LMNB2: variants seen among roughly 807,000 people sequenced by gnomAD.
LMNB2 encodes lamin-B2.
Under a neutral mutation model 69.3 loss-of-function variants are expected in LMNB2, and 17 were observed. The observed-to-expected ratio is 0.25, with a 90% CI of 0.17 to 0.37. The LOEUF is 0.37. LMNB2 is among the 10% of genes least tolerant of loss of function. LMNB2 has a pLI of 1.00. For missense variants in LMNB2, 789 were observed against 883.6 expected (o/e 0.89, Z 1.36); for synonymous variants, 397 against 389.3 (o/e 1.02, Z -0.23).
At chr19:2,451,441 T>C (rs1162313802) in intron 1 of LMNB2, among the ~76,000 whole-genome samples, 4 of 152,164 alleles carry the variant, frequency 2.6e-5, no homozygotes, top group African/African-American at 9.7e-5. Context: ...CTGGCCTTTT[T>C]TAGAAAAAGT....
In LMNB2 at chr19:2,431,644, C is replaced by A. The variant is rs1568200660; in HGVS notation, c.1725G>T (p.Arg575Ser). ...GCATCACCGAGGACTTCTTCACAGT[C>A]CTCATGGCCACTTCCTGTGCGGGAC... The part of the protein sequence containing the change: ...VNADGEEVAM[R>S]TVKKSSVMRE... Residue 575 changes from arginine (R) to serine (S), a missense_variant, in exon 11 of 12, where the codon AGG (arginine) becomes AGT (serine). Transcript: ENST00000325327. 5.6e-6 allele frequency: 9 copies of A among 1,614,160 alleles called. No individual in the cohort carries two copies. Among genetic ancestry groups the A allele is most frequent in the Non-Finnish European group, 7.6e-6 (9 of 1,180,014 alleles).
At position 2,443,683 on chromosome 19, in the gene LMNB2, C is replaced by T. The variant is rs1052075352; in HGVS notation, c.401+721G>A. On this transcript the variant is annotated intron_variant, in intron 2 of 11. Transcript: ENST00000325327. This position sits in a 1 kb window ranked among gnomAD's most constrained non-coding sequence, Gnocchi z 6.2. Reference sequence around the variant, plus strand: ...TCCACACGCAGGGCACCAGAGACCTCGCTCTAGCTGGAGCCTCACATCAAG... The same window carrying T: ...TCCACACGCAGGGCACCAGAGACCTTGCTCTAGCTGGAGCCTCACATCAAG... Among the ~76,000 whole-genome samples the T allele has an allele frequency of 4.6e-5, 7 of 152,200 alleles. No individual in the cohort carries two copies. Among genetic ancestry groups the T allele is most frequent in the African/African-American group, 1.7e-4 (7 of 41,438 alleles).
Position 2,431,662 on chromosome 19 carries a change from T to C in LMNB2, c.1711-4A>G, listed in dbSNP as rs762650809. 6 of 1,614,084 alleles carry C rather than the reference T, an allele frequency of 3.7e-6. No individual in the cohort carries two copies. The highest frequency in any genetic ancestry group is 4.2e-6 in the Non-Finnish European group (5 of 1,179,996). On this transcript the variant is annotated splice_polypyrimidine_tract_variant and splice_region_variant and intron_variant, in intron 10 of 11. Transcript: ENST00000325327. Reference sequence around the variant, plus strand: ...TCACAGTCCTCATGGCCACTTCCTGTGCGGGACAGGACACGGCGGCATGTC... The same window carrying C: ...TCACAGTCCTCATGGCCACTTCCTGCGCGGGACAGGACACGGCGGCATGTC...
At chr19:2,439,180 G>C (rs951749588) in intron 2 of LMNB2, among the ~76,000 whole-genome samples, 1 of 151,300 alleles carries the variant, frequency 6.6e-6, no homozygotes, top group Non-Finnish European at 1.5e-5. Flanking sequence ...CACCGCGTAC[G>C]GCTGACTCTT....
intron 11 of LMNB2, 48 bp from the exon 12 acceptor site, chr19:2,431,000 G>A: frequency 7.4e-7 from 1 of 1,348,618 alleles, no homozygotes; most frequent in Non-Finnish European, 1.1e-6. Context: ...GGCCAGCCTG[G>A]AGGCAGCCGG....
In LMNB2 at chr19:2,447,768, TG is replaced by T. The variant is rs1971973321; in HGVS notation, c.265-3229del. 5.3e-5 allele frequency among the ~76,000 whole-genome samples: 8 copies of T among 152,116 alleles called. No homozygotes were observed. Among genetic ancestry groups the T allele is most frequent in the Admixed American group, 5.2e-4 (8 of 15,268 alleles). ...CAGGCGAGGCTCCTGTGCAGAGGGCTGGGGGCCTGCCAGGACGCACCCCTTG... is the reference window on the plus strand; with the variant it reads ...CAGGCGAGGCTCCTGTGCAGAGGGCTGGGGCCTGCCAGGACGCACCCCTTG... On this transcript the variant is annotated intron_variant, in intron 1 of 11. Coordinates refer to ENST00000325327, the MANE Select transcript of LMNB2 (RefSeq NM_032737.4). The surrounding 1 kb of genome is among the most constrained non-coding windows in gnomAD (Gnocchi z 4.4).
intron 11 of LMNB2, 67 bp from the exon 12 acceptor site, chr19:2,431,019 T>C: frequency 1.0e-6 from 1 of 1,002,328 alleles, no homozygotes. Context: ...GGCAGGTAGA[T>C]GGCTGCCCCC....
At chr19:2,454,845 T>C (rs781080922) in intron 1 of LMNB2, among the ~76,000 whole-genome samples, 3 of 151,984 alleles carry the variant, frequency 2.0e-5, no homozygotes, top group Non-Finnish European at 4.4e-5. Flanking sequence ...CAGGGTTAGG[T>C]TGGGGGGCAG....
intron 1 of LMNB2, among the ~76,000 whole-genome samples, chr19:2,455,504 G>T (rs528746440): frequency 8.5e-5 from 13 of 152,190 alleles, no homozygotes; most frequent in African/African-American, 2.4e-4. Context: ...AAATCCCCAG[G>T]ACCTCTCTTT....
At chr19:2,449,904 T>C (rs1195560974) in intron 1 of LMNB2, among the ~76,000 whole-genome samples, 2 of 151,670 alleles carry the variant, frequency 1.3e-5, no homozygotes, top group Non-Finnish European at 1.5e-5. Flanking sequence ...GGAGAAACCC[T>C]GTCTCTACTA....
chr19:2,434,787 C>T lies in LMNB2; in HGVS notation c.981+1G>A. ...GCAGACGGTGGCGCTGTGCTCATCA[C>T]CTGCTTCTGGAGGCCGGAGAGCTGG... On this transcript the variant is annotated splice_donor_variant, in intron 6 of 11. Transcript: ENST00000325327. LOFTEE classifies it high-confidence loss of function. The T allele has an allele frequency of 6.2e-7, 1 of 1,605,428 alleles. No individual in the cohort carries two copies. Among genetic ancestry groups the T allele is most frequent in the Non-Finnish European group, 8.5e-7 (1 of 1,177,284 alleles).
At position 2,453,661 on chromosome 19, in the gene LMNB2, C is replaced by T. The variant is rs1301681756; in HGVS notation, c.264+3009G>A. On this transcript the variant is annotated intron_variant, in intron 1 of 11. Coordinates refer to ENST00000325327, the MANE Select transcript of LMNB2 (RefSeq NM_032737.4). This position sits in a 1 kb window ranked among gnomAD's most constrained non-coding sequence, Gnocchi z 4.4. ...GAGTCAGACCCGCATTTCACCCAGC[C>T]TGAGTGAACTGAGTTGTAAAGGATG... Among the ~76,000 whole-genome samples, 1 of 152,198 alleles carries T rather than the reference C, an allele frequency of 6.6e-6. No homozygotes were observed. Among genetic ancestry groups the T allele is most frequent in the African/African-American group, 2.4e-5 (1 of 41,438 alleles).
chr19:2,433,788 T>A lies in LMNB2; in HGVS notation c.1482+38A>T, dbSNP rs779890710. On this transcript the variant is annotated intron_variant, in intron 8 of 11. Transcript: ENST00000325327. ...ACCCTGGTCACCCCCATCAGCTGGG[T>A]CACCCCGTTACCCCCATGCCCCGGT... 6 of 1,604,784 alleles carry A rather than the reference T, an allele frequency of 3.7e-6. No individual in the cohort carries two copies. The East Asian group carries it at 1.1e-4, about 30-fold the overall frequency.
chr19:2,452,871 G>C (rs1169361794), intron 1 of LMNB2, among the ~76,000 whole-genome samples: 3 of 152,036 alleles, frequency 2.0e-5, no homozygotes, highest in Non-Finnish European at 4.4e-5. Flanking sequence ...TTCTCATGGG[G>C]GCCGTGTTAC....
At position 2,434,824 on chromosome 19, in the gene LMNB2, C is replaced by G. The variant is rs1971799609; in HGVS notation, c.945G>C (p.Glu315Asp). 1 of 1,609,076 alleles carries G rather than the reference C, an allele frequency of 6.2e-7. No homozygotes were observed. The highest frequency in any genetic ancestry group is 8.5e-7 in the Non-Finnish European group (1 of 1,179,126). Residue 315 changes from glutamate (E) to aspartate (D), a missense_variant, in exon 6 of 12, where the codon GAG becomes GAC. Physicochemically the swap from Glu to Asp is conservative, Grantham distance 45. Around this residue, in one of 3 missense-constraint regions of LMNB2, gnomAD observed 609 missense variants for 630.9 expected, o/e 0.97. Transcript: ENST00000325327. ...EELKEARMRL[E>D]SLSYQLSGLQ... ...GGCCGGAGAGCTGGTAGCTGAGGGA[C>G]TCCAGGCGCATGCGGGCCTCCTTCA...
At chr19:2,448,002 C>T (rs775668826) in intron 1 of LMNB2, among the ~76,000 whole-genome samples, 22 of 152,324 alleles carry the variant, frequency 1.4e-4, no homozygotes, top group African/African-American at 3.9e-4. Context: ...TCCTGACCAC[C>T]GCTGGGTCCT....
intron 2 of LMNB2, among the ~76,000 whole-genome samples, chr19:2,439,933 A>G (rs1191488977): frequency 6.6e-6 from 1 of 151,902 alleles, no homozygotes; most frequent in African/African-American, 2.4e-5. Flanking sequence ...GGGTTTCTCC[A>G]TGTTGGCCAG....
At chr19:2,431,032 CT>C in intron 11 of LMNB2, 80 bp from the exon 12 acceptor site, 1 of 867,064 alleles carries the variant, frequency 1.2e-6, no homozygotes, top group South Asian at 1.3e-5. Context: ...CTGCCCCCAC[CT>C]CCCCACCAGG....
chr19:2,452,552 C>A (rs1369660729), intron 1 of LMNB2, among the ~76,000 whole-genome samples: 2 of 151,886 alleles, frequency 1.3e-5, no homozygotes, highest in South Asian at 2.1e-4. Flanking sequence ...ATGGTGAAAT[C>A]CCATCTCTAC....
Sources: allele counts gnomAD v4.1 joint callset (sites outside exome capture counted in the v4.1 genomes callset), GRCh38; gene constraint gnomAD v4.1.1; regional missense constraint gnomAD v4.1.1; non-coding constraint Gnocchi (gnomAD v3.1); transcripts MANE v1.5; gene names NCBI Gene and HGNC (gene_info 2026-07-23, HGNC 2026-07-21).